PRKCE: variants seen among roughly 807,000 people sequenced by gnomAD.
The protein encoded by PRKCE is protein kinase C epsilon, also known as protein kinase C epsilon type.
A neutral mutation model predicts 85.4 loss-of-function variants in PRKCE; 16 were observed. That is an observed-to-expected ratio of 0.19 (90% CI 0.13 to 0.28). PRKCE has a LOEUF of 0.28. Among genes scored for constraint, PRKCE ranks in the 10% least tolerant of loss-of-function variants. PRKCE has a pLI of 1.00. For synonymous variants in PRKCE, 388 were observed against 371.5 expected (o/e 1.04, Z -0.51); for missense variants, 573 against 975.2 (o/e 0.59, Z 5.49).
At chr2:45,916,917 G>A (rs187062029) in intron 2 of PRKCE, among the ~76,000 whole-genome samples, 24 of 152,268 alleles carry the variant, frequency 1.6e-4, no homozygotes, top group African/African-American at 4.8e-4. Context: ...TGGTCTCACC[G>A]GCTCAGGAGT....
chr2:46,179,274 C>T (rs954768465), intron 14 of PRKCE, among the ~76,000 whole-genome samples: 10 of 152,162 alleles, frequency 6.6e-5, no homozygotes, highest in South Asian at 2.1e-4. Context: ...AAGTTTATGA[C>T]GTCAGCACAG....
At chr2:45,984,130 G>T (rs1209587362) in intron 5 of PRKCE, among the ~76,000 whole-genome samples, 3 of 151,916 alleles carry the variant, frequency 2.0e-5, no homozygotes, top group Admixed American at 6.6e-5. Flanking sequence ...TAGAGACAGG[G>T]TTTCACCATG....
At chr2:45,738,582 A>T (rs1661967298) in intron 1 of PRKCE, among the ~76,000 whole-genome samples, 1 of 152,154 alleles carries the variant, frequency 6.6e-6, no homozygotes, top group African/African-American at 2.4e-5. Flanking sequence ...GTCATTCTTT[A>T]TATAACCACA....
intron 1 of PRKCE, among the ~76,000 whole-genome samples, chr2:45,817,752 G>A (rs1025988540): frequency 6.6e-6 from 1 of 152,188 alleles, no homozygotes; most frequent in Non-Finnish European, 1.5e-5. Flanking sequence ...GGCTTTGCTA[G>A]GTTCAGTGGC....
intron 2 of PRKCE, among the ~76,000 whole-genome samples, chr2:45,938,291 T>A (rs890566504): frequency 6.6e-6 from 1 of 150,558 alleles, no homozygotes; most frequent in Admixed American, 6.6e-5. Context: ...GGGGGCTATC[T>A]GGCAATTCAA....
chr2:45,912,780 T>C lies in PRKCE; in HGVS notation c.413-63649T>C, dbSNP rs143269106. Among the ~76,000 whole-genome samples the C allele has an allele frequency of 2.0e-4, 30 of 152,238 alleles. No homozygotes were observed. The East Asian group carries it at 5.6e-3, about 28-fold the overall frequency. ...AAGCTTTTGAGAGAAGGGTCTGTCATTTGGAAATGACAAAATAGACTTAGT... is the reference window on the plus strand; with the variant it reads ...AAGCTTTTGAGAGAAGGGTCTGTCACTTGGAAATGACAAAATAGACTTAGT... On this transcript the variant is annotated intron_variant, in intron 2 of 14. Transcript: ENST00000306156.
At chr2:45,785,355 G>A (rs1686514863) in intron 1 of PRKCE, among the ~76,000 whole-genome samples, 1 of 152,118 alleles carries the variant, frequency 6.6e-6, no homozygotes, top group African/African-American at 2.4e-5. Flanking sequence ...GCTGGGTGTG[G>A]TGGTACACAC....
intron 10 of PRKCE, among the ~76,000 whole-genome samples, chr2:46,040,110 T>G (rs561442793): frequency 1.2e-4 from 18 of 152,224 alleles, no homozygotes; most frequent in Non-Finnish European, 2.4e-4. Flanking sequence ...AGGCAGGGCC[T>G]GTTTGCCTCT....
intron 1 of PRKCE, among the ~76,000 whole-genome samples, chr2:45,657,932 C>T (rs2103717192): frequency 6.6e-6 from 1 of 152,358 alleles, no homozygotes; most frequent in South Asian, 2.1e-4. Flanking sequence ...CGAATGGAGC[C>T]TGAGTTAAGC....
At chr2:45,822,701 G>A (rs778460498) in intron 1 of PRKCE, among the ~76,000 whole-genome samples, 18 of 152,198 alleles carry the variant, frequency 1.2e-4, no homozygotes, top group Admixed American at 2.6e-4. Context: ...GGGGCAAGAC[G>A]TCCGAATCCG....
chr2:45,942,088 G>C (rs1282702072), intron 2 of PRKCE, among the ~76,000 whole-genome samples: 1 of 152,196 alleles, frequency 6.6e-6, no homozygotes, highest in Non-Finnish European at 1.5e-5. Flanking sequence ...CTCTGGCATG[G>C]TCCATGGAAT....
intron 6 of PRKCE, among the ~76,000 whole-genome samples, chr2:45,985,772 GGGA>G (rs1703274688): frequency 6.6e-6 from 1 of 152,198 alleles, no homozygotes; most frequent in Admixed American, 6.5e-5. Context: ...GGATACAAGA[GGGA>G]GGATAAGGTT....
At chr2:45,702,266 A>T (rs1678711601) in intron 1 of PRKCE, among the ~76,000 whole-genome samples, 3 of 152,176 alleles carry the variant, frequency 2.0e-5, no homozygotes, top group South Asian at 4.1e-4. Flanking sequence ...TCAGATACAG[A>T]TGTGGAAATC....
chr2:45,699,853 G>A (rs1233678744), intron 1 of PRKCE, among the ~76,000 whole-genome samples: 1 of 152,172 alleles, frequency 6.6e-6, no homozygotes, highest in Non-Finnish European at 1.5e-5. Flanking sequence ...CACCAGTGTG[G>A]ATGCCGCCGC....
intron 1 of PRKCE, among the ~76,000 whole-genome samples, chr2:45,679,120 C>T (rs947546508): frequency 2.6e-5 from 4 of 151,986 alleles, no homozygotes; most frequent in African/African-American, 9.7e-5. Context: ...GGATCCGAAG[C>T]CAGTCATGGA....
chr2:45,919,868 C>G (rs997038329), intron 2 of PRKCE, among the ~76,000 whole-genome samples: 12 of 152,336 alleles, frequency 7.9e-5, no homozygotes, highest in African/African-American at 2.6e-4. Flanking sequence ...GCAGGACATT[C>G]TCATGGCTCA....
At chr2:45,884,972 TATATATATATATATATATA>T (rs1350416571) in intron 2 of PRKCE, among the ~76,000 whole-genome samples, 4 of 61,178 alleles carry the variant, frequency 6.5e-5, no homozygotes, top group East Asian at 6.8e-3. Context: ...TATATATATA[TATATATATATATATATATA>T]TATATATATA....
Position 46,087,094 on chromosome 2 carries a change from G to T in PRKCE, c.1592+732G>T, listed in dbSNP as rs115515807. The stretch of plus-strand genomic sequence containing the variant: ...CAAGTTCCTTAAGGTTTTCTCAATG[G>T]CTGTTAATTTCTTCACTTGGTCTTT... On this transcript the variant is annotated intron_variant, in intron 11 of 14. Coordinates refer to ENST00000306156, the MANE Select transcript of PRKCE (RefSeq NM_005400.3). Among the ~76,000 whole-genome samples, 1,268 of 151,550 alleles carry T rather than the reference G, an allele frequency of 8.4e-3. 15 individuals carry two copies. The highest frequency in any genetic ancestry group is 0.028 in the African/African-American group (1,172 of 41,346).
chr2:45,684,518 A>G (rs565804683), intron 1 of PRKCE, among the ~76,000 whole-genome samples: 1 of 152,360 alleles, frequency 6.6e-6, no homozygotes, highest in South Asian at 2.1e-4. Flanking sequence ...CCCTCACTAC[A>G]TTGAGAGGCA....
Sources: gnomAD v4.1 joint callset for allele counts (sites outside exome capture counted in the v4.1 genomes callset) on GRCh38, gnomAD v4.1.1 for gene constraint, MANE v1.5 for transcripts, NCBI Gene and HGNC (gene_info 2026-07-23, HGNC 2026-07-21) for gene names.